LOXHD1: variants seen among roughly 807,000 people sequenced by gnomAD.
LOXHD1 encodes the protein lipoxygenase homology domain-containing protein 1.
A neutral mutation model predicts 248.2 loss-of-function variants in LOXHD1; 205 were observed. That is an observed-to-expected ratio of 0.83 (90% CI 0.74 to 0.93). The LOEUF is 0.93. LOXHD1 is among the 40% of genes least tolerant of loss of function. The pLI, the probability that LOXHD1 is intolerant of heterozygous loss-of-function variation, is 0.00. For synonymous variants in LOXHD1, 1,113 were observed against 1,162.8 expected (o/e 0.96, Z 0.87); for missense variants, 2,930 against 2,971.6 (o/e 0.99, Z 0.33).
intron 13 of LOXHD1, among the ~76,000 whole-genome samples, chr18:46,578,336 A>G (rs2037898899): frequency 6.6e-6 from 1 of 152,236 alleles, no homozygotes; most frequent in South Asian, 2.1e-4. Flanking sequence ...GTACATGAGC[A>G]CACCTGGGAG....
chr18:46,528,045 C>A (rs571745293), intron 29 of LOXHD1, among the ~76,000 whole-genome samples: 1 of 152,192 alleles, frequency 6.6e-6, no homozygotes. Context: ...TGACACCCAC[C>A]TTTCTAATCC....
At position 46,563,236 on chromosome 18, in the gene LOXHD1, A is replaced by G; in HGVS notation, c.2438-11T>C. 6.7e-7 allele frequency: 1 copy of G among 1,490,744 alleles called. No individual in the cohort carries two copies. Among genetic ancestry groups the G allele is most frequent in the Admixed American group, 2.1e-5 (1 of 48,570 alleles). 92.3% of individuals were successfully genotyped at this position (1,490,744 alleles called of 1,614,324 possible). A position where few individuals can be genotyped will look rare whatever the true frequency, so the allele number is the denominator to read the frequency against. ...CCTCATAGTGGACCACTGGGTGGGC[A>G]CGTGCAGAAGAAGTGGAACATTTAG... On this transcript the variant is annotated splice_polypyrimidine_tract_variant and intron_variant, in intron 17 of 40. Transcript: ENST00000642948.
rs75732171 is a variant in LOXHD1, at chr18:46,577,515, G to C, written c.1970+192C>G. 2.0e-5 allele frequency among the ~76,000 whole-genome samples: 3 copies of C among 151,920 alleles called. No individual in the cohort carries two copies. In the East Asian group the frequency reaches 5.8e-4, roughly 29 times the overall value. Reference sequence around the variant, plus strand: ...AACACACCACAGTGGTGTTCATCACGGTGGTAGGGGGTGAGAAGGGAATGT... The same window carrying C: ...AACACACCACAGTGGTGTTCATCACCGTGGTAGGGGGTGAGAAGGGAATGT... On this transcript the variant is annotated intron_variant, in intron 14 of 40. Coordinates refer to ENST00000642948, the MANE Select transcript of LOXHD1 (RefSeq NM_001384474.1).
chr18:46,649,301 G>T, intron 1 of LOXHD1, 32 bp from the exon 2 acceptor site: 1 of 1,529,232 alleles, frequency 6.5e-7, no homozygotes. Context: ...CAGATTGCAG[G>T]CTCAGAAAAA....
rs143776448 is a variant in LOXHD1 at position 46,553,938 on chromosome 18, G to A, written c.3350+3418C>T. The stretch of plus-strand genomic sequence containing the variant: ...GTGGGACCATGTCTGTTGGGTTCAA[G>A]GAACAGCAAGGAGTGAGCAAGGGGG... On this transcript the variant is annotated intron_variant, in intron 21 of 40. Transcript: ENST00000642948. Among the ~76,000 whole-genome samples the A allele has an allele frequency of 3.1e-3, 473 of 152,330 alleles. 3 individuals are homozygous for A. The Middle Eastern group carries it at 0.034, about 11-fold the overall frequency.
chr18:46,538,532 C>T lies in LOXHD1; in HGVS notation c.3914-195G>A, dbSNP rs927135652. 1.1e-4 allele frequency among the ~76,000 whole-genome samples: 16 copies of T among 152,172 alleles called. No homozygotes were observed. In the East Asian group the frequency reaches 2.3e-3, roughly 22 times the overall value. On this transcript the variant is annotated intron_variant, in intron 25 of 40. Transcript: ENST00000642948. The stretch of plus-strand genomic sequence containing the variant: ...CTGCAGGTGGGGTCCTGTCCTGCCC[C>T]GCCCCCATGGAAAACCCTCACCCCC...
intron 38 of LOXHD1, among the ~76,000 whole-genome samples, chr18:46,486,446 A>C (rs2033058220): frequency 6.6e-6 from 1 of 152,188 alleles, no homozygotes; most frequent in Non-Finnish European, 1.5e-5. Context: ...GAGTGAATCT[A>C]GGCAAAGAGA....
At position 46,560,069 on chromosome 18, in the gene LOXHD1, C is replaced by CCCCCCCCCCAAA; in HGVS notation, c.3061+13_3061+14insTTTGGGGGGGGG. ...CCACTCCCTCCCCACCCCCACCCCC[C>CCCCCCCCCCAAA]ACGACCCACTTACGCTCAGGACCCG... On this transcript the variant is annotated intron_variant, in intron 19 of 40. Coordinates refer to ENST00000642948, the MANE Select transcript of LOXHD1 (RefSeq NM_001384474.1). 7 of 1,514,262 alleles carry CCCCCCCCCCAAA rather than the reference C, an allele frequency of 4.6e-6. No homozygotes were observed. The highest frequency in any genetic ancestry group is 6.3e-6 in the Non-Finnish European group (7 of 1,119,016). 93.8% of individuals were successfully genotyped at this position (1,514,262 alleles called of 1,614,324 possible). A position where few individuals can be genotyped will look rare whatever the true frequency, so the allele number is the denominator to read the frequency against.
chr18:46,587,730 C>T (rs1038980873), intron 12 of LOXHD1, among the ~76,000 whole-genome samples: 1 of 152,182 alleles, frequency 6.6e-6, no homozygotes, highest in African/African-American at 2.4e-5. Context: ...CTCTTGCCCA[C>T]TCATCAGTGG....
At chr18:46,533,817 T>A in intron 27 of LOXHD1, 1 of 206,234 alleles carries the variant, frequency 4.8e-6, no homozygotes, top group Non-Finnish European at 1.0e-5. Context: ...TCCTAGCTAC[T>A]TGGGAGGCTG....
chr18:46,532,318 G>T (rs919972365), intron 28 of LOXHD1, among the ~76,000 whole-genome samples: 1 of 152,184 alleles, frequency 6.6e-6, no homozygotes, highest in African/African-American at 2.4e-5. Context: ...AATAACATGG[G>T]GATTGACATG....
chr18:46,502,341 C>G (rs964346641), intron 37 of LOXHD1, among the ~76,000 whole-genome samples: 1 of 152,078 alleles, frequency 6.6e-6, no homozygotes, highest in African/African-American at 2.4e-5. Context: ...GGTATGGGAG[C>G]AACAGGGGAA....
chr18:46,636,967 G>T (rs1179242898), intron 4 of LOXHD1, among the ~76,000 whole-genome samples: 2 of 152,142 alleles, frequency 1.3e-5, no homozygotes, highest in Non-Finnish European at 2.9e-5. Context: ...CCAACATGAA[G>T]AAACTCCATC....
At chr18:46,615,280 G>A in intron 5 of LOXHD1, among the ~76,000 whole-genome samples, 1 of 152,172 alleles carries the variant, frequency 6.6e-6, no homozygotes, top group South Asian at 2.1e-4. Flanking sequence ...CAGCCCAAGG[G>A]CCAGTTTTTC....
At chr18:46,501,007 A>AAT (rs1372574925) in intron 37 of LOXHD1, among the ~76,000 whole-genome samples, 1 of 152,130 alleles carries the variant, frequency 6.6e-6, no homozygotes, top group Non-Finnish European at 1.5e-5. Context: ...TTACTTGTTT[A>AAT]ATACATGTAG....
At chr18:46,593,822 T>A (rs2038215924) in intron 9 of LOXHD1, 62 bp from the exon 10 acceptor site, 4 of 1,528,340 alleles carry the variant, frequency 2.6e-6, no homozygotes, top group Non-Finnish European at 3.5e-6. Flanking sequence ...CATATTACCA[T>A]GGGGAAGAAG....
In LOXHD1 at chr18:46,588,362, T is replaced by C. The variant is rs542926977; in HGVS notation, c.1654+3571A>G. Among the ~76,000 whole-genome samples, 3 of 152,266 alleles carry C rather than the reference T, an allele frequency of 2.0e-5. No homozygotes were observed. In the East Asian group the frequency reaches 5.8e-4, roughly 29 times the overall value. ...AGCCCTTCAATCCATACTATCCATATCCATACTATCACCAGAATTATTTTT... is the reference window on the plus strand; with the variant it reads ...AGCCCTTCAATCCATACTATCCATACCCATACTATCACCAGAATTATTTTT... On this transcript the variant is annotated intron_variant, in intron 12 of 40. Coordinates refer to ENST00000642948, the MANE Select transcript of LOXHD1 (RefSeq NM_001384474.1).
chr18:46,604,257 G>A, intron 6 of LOXHD1, 28 bp from the exon 7 acceptor site: 4 of 1,551,294 alleles, frequency 2.6e-6, no homozygotes, highest in Middle Eastern at 1.7e-4. Flanking sequence ...GGACAAGGAT[G>A]TAGATAAGTG....
Position 46,610,773 on chromosome 18 carries a change from C to T in LOXHD1, c.759+3G>A. The T allele has an allele frequency of 6.5e-7, 1 of 1,550,158 alleles. No individual in the cohort carries two copies. ...GGGACTGCAGAGAAGCAGCTGAACT[C>T]ACCTGGGACAGGAACCAACCTGCAG... On this transcript the variant is annotated splice_donor_region_variant and intron_variant, in intron 6 of 40. Coordinates refer to ENST00000642948, the MANE Select transcript of LOXHD1 (RefSeq NM_001384474.1).
Sources: gnomAD v4.1 joint callset for allele counts (sites outside exome capture counted in the v4.1 genomes callset) on GRCh38, gnomAD v4.1.1 for gene constraint, MANE v1.5 for transcripts, NCBI Gene and HGNC (gene_info 2026-07-23, HGNC 2026-07-21) for gene names.